FAXDC2: variants seen among roughly 807,000 people sequenced by gnomAD.
The protein encoded by FAXDC2 is fatty acid hydroxylase domain containing 2.
FAXDC2 carries 41 observed loss-of-function variants against 40.9 expected under a neutral mutation model. The ratio of observed to expected loss-of-function variants is 1.00; its 90% CI spans 0.78 to 1.30. The LOEUF (loss-of-function observed/expected upper bound fraction) is 1.30, where lower values mean the gene tolerates loss of function less well. Among genes scored for constraint, FAXDC2 ranks in the 50% most tolerant of loss-of-function variants. The pLI is 0.00. For synonymous variants in FAXDC2, 157 were observed against 149.3 expected (o/e 1.05, Z -0.38); for missense variants, 390 against 408.8 (o/e 0.95, Z 0.40).
At chr5:154,830,165 T>C (rs537650437) in intron 5 of FAXDC2, among the ~76,000 whole-genome samples, 1 of 152,290 alleles carries the variant, frequency 6.6e-6, no homozygotes, top group South Asian at 2.1e-4. Flanking sequence ...AGAATCAACT[T>C]CTTCCTTGTT....
In FAXDC2 at chr5:154,846,054, G is replaced by A. The variant is rs181041397; in HGVS notation, c.-1+4429C>T. 2.8e-3 allele frequency among the ~76,000 whole-genome samples: 430 copies of A among 151,410 alleles called. 1 individual carries two copies. The highest frequency in any genetic ancestry group is 9.7e-3 in the African/African-American group (400 of 41,236). On this transcript the variant is annotated intron_variant, in intron 1 of 8. Coordinates refer to ENST00000326080, the MANE Select transcript of FAXDC2 (RefSeq NM_032385.5). ...CCTGACCTCATCATCTGCCTGCCTCGGCCTCCCAAAGTGCTGGGATTACAA... is the reference window on the plus strand; with the variant it reads ...CCTGACCTCATCATCTGCCTGCCTCAGCCTCCCAAAGTGCTGGGATTACAA...
chr5:154,835,783 G>A (rs1278900108), intron 2 of FAXDC2, among the ~76,000 whole-genome samples: 1 of 149,430 alleles, frequency 6.7e-6, no homozygotes, highest in African/African-American at 2.5e-5. Context: ...GGGTTTCACT[G>A]TGTTAGCCAG....
chr5:154,825,058 TAAAAA>T (rs70981952), intron 5 of FAXDC2, among the ~76,000 whole-genome samples: 8 of 90,166 alleles, frequency 8.9e-5, no homozygotes, highest in African/African-American at 1.3e-4. Context: ...CCAATCTTGT[TAAAAA>T]AAAAAAAAAA....
intron 1 of FAXDC2, among the ~76,000 whole-genome samples, chr5:154,843,096 C>A (rs1314412635): frequency 6.6e-6 from 1 of 152,162 alleles, no homozygotes; most frequent in African/African-American, 2.4e-5. Flanking sequence ...TGTGGATTTC[C>A]CTCTTCAGTG....
intron 1 of FAXDC2, among the ~76,000 whole-genome samples, chr5:154,847,782 C>T (rs943315755): frequency 9.9e-5 from 15 of 151,472 alleles, no homozygotes; most frequent in Admixed American, 2.0e-4. Context: ...TGAGCCACTG[C>T]GCCTGGCCCA....
At chr5:154,840,758 C>G (rs1025288035) in intron 1 of FAXDC2, among the ~76,000 whole-genome samples, 11 of 152,122 alleles carry the variant, frequency 7.2e-5, no homozygotes, top group Non-Finnish European at 1.5e-4. Flanking sequence ...ACTACATTGC[C>G]CAGGCTGATC....
intron 2 of FAXDC2, among the ~76,000 whole-genome samples, chr5:154,837,655 G>T (rs979838898): frequency 6.6e-6 from 1 of 152,114 alleles, no homozygotes; most frequent in Non-Finnish European, 1.5e-5. Flanking sequence ...GGGATGTTGG[G>T]TTTTTTCATC....
Position 154,834,869 on chromosome 5 carries a change from A to C in FAXDC2, c.114T>G (p.Phe38Leu), listed in dbSNP as rs993633304. 1.9e-6 allele frequency: 3 copies of C among 1,611,058 alleles called. No homozygotes were observed. The highest frequency in any genetic ancestry group is 2.5e-6 in the Non-Finnish European group (3 of 1,178,516). Residue 38 changes from phenylalanine to leucine, a missense_variant, in exon 3 of 9, where the codon TTT (phenylalanine) becomes TTG (leucine). Physicochemically the swap from Phe to Leu is conservative, Grantham distance 22. Transcript: ENST00000326080. ...AFILGSGLLS[F>L]VAFWNSVTWH... The stretch of plus-strand genomic sequence containing the variant: ...ATGTCACTGAGTTCCAGAAGGCCAC[A>C]AATGAGAGAAGTCCAGAGCCCAGGA...
intron 2 of FAXDC2, among the ~76,000 whole-genome samples, chr5:154,837,214 ACACT>A (rs1028010937): frequency 3.3e-5 from 5 of 152,028 alleles, no homozygotes; most frequent in Admixed American, 6.6e-5. Context: ...TCACGTGCAC[ACACT>A]CTCTCTCTCT....
intron 5 of FAXDC2, chr5:154,824,385 GT>G (rs747752959): frequency 1.5e-6 from 1 of 666,082 alleles, no homozygotes; most frequent in Non-Finnish European, 2.7e-6. Context: ...ATTTCTCCAA[GT>G]TCCCTCTGTG....
At position 154,822,515 on chromosome 5, in the gene FAXDC2, G is replaced by A; in HGVS notation, c.635C>T (p.Pro212Leu). Reference protein sequence around the residue: ...IHKKHHEWTAPIGVISLYAHP... With the variant: ...IHKKHHEWTALIGVISLYAHP... ...GGCATAGAGAGAGATCACGCCAATGGGAGCTGTCCACTCATGGTGTTTCTT... is the reference window on the plus strand; with the variant it reads ...GGCATAGAGAGAGATCACGCCAATGAGAGCTGTCCACTCATGGTGTTTCTT... The change falls in exon 7 of 9, where the codon CCC (proline) becomes CTC (leucine). Residue 212 changes from proline (P) to leucine (L), a missense_variant. Physicochemically the swap from Pro to Leu is moderately conservative, Grantham distance 98. Transcript: ENST00000326080. 1 of 1,614,120 alleles carries A rather than the reference G, an allele frequency of 6.2e-7. No individual in the cohort carries two copies. Among genetic ancestry groups the A allele is most frequent in the Non-Finnish European group, 8.5e-7 (1 of 1,179,982 alleles).
At chr5:154,822,363 A>T in intron 7 of FAXDC2, 109 bp downstream of exon 7, 1 of 740,984 alleles carries the variant, frequency 1.3e-6, no homozygotes, top group East Asian at 2.5e-5. Flanking sequence ...AGCTATTTTT[A>T]AATGGGAAGA....
Position 154,820,438 on chromosome 5 carries a change from C to T in FAXDC2, c.880G>A (p.Asp294Asn), listed in dbSNP as rs1759854963. The T allele has an allele frequency of 3.1e-6, 5 of 1,612,650 alleles. No individual in the cohort carries two copies. The highest frequency in any genetic ancestry group is 1.7e-5 in the Admixed American group (1 of 59,904). Residue 294 changes from aspartate (D) to asparagine (N), a missense_variant, in exon 9 of 9, where the codon GAC (aspartate) becomes AAC (asparagine). By Grantham distance (23) the Asp-to-Asn change is conservative. Transcript: ENST00000326080. ...NQCYGVLGVL[D>N]HLHGTDTMFK... ...ATGGTGTCAGTCCCATGGAGGTGGT[C>T]CAGCACACCCAGCACCCCATAGCAC...
chr5:154,822,696 C>A, intron 6 of FAXDC2, 119 bp from the exon 7 acceptor site: 1 of 716,216 alleles, frequency 1.4e-6, no homozygotes. Flanking sequence ...GTTAACAACA[C>A]CAAGACCTGC....
chr5:154,823,054 C>T (rs768262209), intron 6 of FAXDC2, among the ~76,000 whole-genome samples: 3 of 152,198 alleles, frequency 2.0e-5, no homozygotes, highest in Admixed American at 6.6e-5. Context: ...CTCTTTCGCC[C>T]AGGCTGGAGT....
intron 1 of FAXDC2, among the ~76,000 whole-genome samples, chr5:154,844,474 C>G (rs1582541501): frequency 1.3e-5 from 2 of 152,170 alleles, no homozygotes; most frequent in South Asian, 4.1e-4. Flanking sequence ...AGTTTTGCCT[C>G]TCTGGAAGAA....
chr5:154,824,030 C>T (rs1028468569), intron 5 of FAXDC2: 8 of 225,198 alleles, frequency 3.6e-5, no homozygotes, highest in Non-Finnish European at 7.1e-5. Flanking sequence ...ATGCAGAGAT[C>T]AAGATCATCT....
chr5:154,823,249 A>G, intron 6 of FAXDC2, 138 bp downstream of exon 6: 1 of 723,776 alleles, frequency 1.4e-6, no homozygotes, highest in Admixed American at 2.5e-5. Flanking sequence ...CCTGGGCTCA[A>G]GTGATCCGCC....
At chr5:154,824,946 G>A (rs1404870440) in intron 5 of FAXDC2, among the ~76,000 whole-genome samples, 3 of 151,782 alleles carry the variant, frequency 2.0e-5, no homozygotes, top group Non-Finnish European at 4.4e-5. Flanking sequence ...AGCTGGATGT[G>A]GTGGTGTGCA....
Sources: allele counts gnomAD v4.1 joint callset (sites outside exome capture counted in the v4.1 genomes callset), GRCh38; gene constraint gnomAD v4.1.1; transcripts MANE v1.5; gene names NCBI Gene and HGNC (gene_info 2026-07-23, HGNC 2026-07-21).